RNGTT: variants seen among roughly 807,000 people sequenced by gnomAD.
RNGTT encodes the protein RNA guanylyltransferase and 5'-phosphatase.
In RNGTT, 33 loss-of-function variants were observed where a neutral mutation model predicts 79.3. That is an observed-to-expected ratio of 0.42 (90% CI 0.32 to 0.56). RNGTT has a LOEUF of 0.56. Ranked by LOEUF, RNGTT falls within the 20% of genes least tolerant of loss-of-function variation. RNGTT has a pLI of 0.17. For missense variants in RNGTT, 497 were observed against 739.1 expected (o/e 0.67, Z 3.80); for synonymous variants, 222 against 235.9 (o/e 0.94, Z 0.54).
At chr6:88,759,866 C>A (rs1299878386) in intron 13 of RNGTT, among the ~76,000 whole-genome samples, 2 of 150,926 alleles carry the variant, frequency 1.3e-5, no homozygotes, top group African/African-American at 2.4e-5. Context: ...TTTTCCCCCC[C>A]ACCAACTTCA....
intron 12 of RNGTT, among the ~76,000 whole-genome samples, chr6:88,776,938 A>G (rs1402822800): frequency 6.6e-6 from 1 of 152,202 alleles, no homozygotes; most frequent in East Asian, 1.9e-4. Context: ...GACCAACATC[A>G]AGGAGCTTTT....
intron 11 of RNGTT, among the ~76,000 whole-genome samples, chr6:88,809,336 A>C (rs938022610): frequency 2.0e-5 from 3 of 152,170 alleles, no homozygotes; most frequent in Non-Finnish European, 2.9e-5. Flanking sequence ...AAATAGAAAA[A>C]AAAATCACTA....
chr6:88,799,397 G>A (rs888769420), intron 12 of RNGTT, among the ~76,000 whole-genome samples: 12 of 152,082 alleles, frequency 7.9e-5, no homozygotes, highest in Admixed American at 7.9e-4. Context: ...CAAAGTCATT[G>A]TAATAAAAAG....
chr6:88,680,903 C>G (rs755470867), intron 13 of RNGTT, among the ~76,000 whole-genome samples: 2 of 152,098 alleles, frequency 1.3e-5, no homozygotes, highest in Admixed American at 1.3e-4. Flanking sequence ...TTGATGGTTA[C>G]AAACACGACT....
intron 13 of RNGTT, among the ~76,000 whole-genome samples, chr6:88,768,283 T>C (rs1161985788): frequency 6.6e-6 from 1 of 151,998 alleles, no homozygotes; most frequent in African/African-American, 2.4e-5. Flanking sequence ...CTAATTTTTG[T>C]TTGTTTTAGA....
At chr6:88,774,306 A>T (rs1490298390) in intron 12 of RNGTT, among the ~76,000 whole-genome samples, 9 of 152,170 alleles carry the variant, frequency 5.9e-5, no homozygotes, top group Admixed American at 5.9e-4. Context: ...AATTTAGAAA[A>T]AAAAACACAG....
chr6:88,816,908 G>C (rs920210456), intron 11 of RNGTT, among the ~76,000 whole-genome samples: 4 of 152,000 alleles, frequency 2.6e-5, no homozygotes, highest in African/African-American at 9.7e-5. Flanking sequence ...ACACAGGCTG[G>C]GGGAGAGATT....
chr6:88,872,217 T>C (rs186448242), intron 8 of RNGTT, among the ~76,000 whole-genome samples: 30 of 152,278 alleles, frequency 2.0e-4, no homozygotes, highest in East Asian at 1.7e-3. Flanking sequence ...CCCCTAACTA[T>C]TGAACCTAAG....
chr6:88,902,597 G>A (rs532089712), intron 6 of RNGTT, among the ~76,000 whole-genome samples: 1 of 151,090 alleles, frequency 6.6e-6, no homozygotes, highest in African/African-American at 2.4e-5. Context: ...GTAAGACCCT[G>A]TCTCAAAAAT....
intron 8 of RNGTT, among the ~76,000 whole-genome samples, chr6:88,860,626 T>C (rs1781982615): frequency 6.6e-6 from 1 of 152,112 alleles, no homozygotes; most frequent in Admixed American, 6.6e-5. Context: ...TTTCCAAAAG[T>C]GGTTCTCCTT....
rs78872123 is a variant in RNGTT, at chr6:88,885,295, C to T, written c.896+5200G>A. Reference sequence around the variant, plus strand: ...GTAGGAAAAGTACAAGGTAAGTCCACAACATCTAGGGGTGCCAGAAACAAG... The same window carrying T: ...GTAGGAAAAGTACAAGGTAAGTCCATAACATCTAGGGGTGCCAGAAACAAG... On this transcript the variant is annotated intron_variant, in intron 8 of 15. Coordinates refer to ENST00000369485, the MANE Select transcript of RNGTT (RefSeq NM_003800.5). 7.6e-3 allele frequency among the ~76,000 whole-genome samples: 1,163 copies of T among 152,172 alleles called. 7 individuals carry two copies. Among genetic ancestry groups the T allele is most frequent in the Admixed American group, 0.014 (212 of 15,286 alleles).
chr6:88,891,756 G>T, intron 7 of RNGTT, 50 bp downstream of exon 7: 1 of 1,178,880 alleles, frequency 8.5e-7, no homozygotes, highest in Non-Finnish European at 1.2e-6. Context: ...TGTATTAAGT[G>T]TTGTAAAATA....
At chr6:88,878,019 T>A (rs1056514896) in intron 8 of RNGTT, among the ~76,000 whole-genome samples, 1 of 152,184 alleles carries the variant, frequency 6.6e-6, no homozygotes, top group Non-Finnish European at 1.5e-5. Context: ...AAAATTAGTA[T>A]AGTTAGTATA....
chr6:88,678,189 C>T, intron 14 of RNGTT, 164 bp downstream of exon 14: 1 of 1,259,838 alleles, frequency 7.9e-7, no homozygotes, highest in Non-Finnish European at 1.0e-6. Context: ...AGACAGGGTT[C>T]CCAGCATGGT....
intron 12 of RNGTT, among the ~76,000 whole-genome samples, chr6:88,771,303 ATGTG>A (rs373169358): frequency 2.7e-4 from 22 of 82,496 alleles, no homozygotes; most frequent in African/African-American, 7.2e-4. Context: ...GTATGTATGT[ATGTG>A]TGTGTGTGTA....
intron 12 of RNGTT, among the ~76,000 whole-genome samples, chr6:88,775,085 T>C (rs760191628): frequency 9.8e-5 from 15 of 152,332 alleles, no homozygotes; most frequent in Middle Eastern, 3.4e-3. Context: ...GGAATGCATT[T>C]ACTCAACAGA....
At chr6:88,856,430 A>G (rs972688595) in intron 8 of RNGTT, among the ~76,000 whole-genome samples, 1 of 152,146 alleles carries the variant, frequency 6.6e-6, no homozygotes, top group East Asian at 1.9e-4. Flanking sequence ...ACACACACAC[A>G]CACACACATC....
intron 14 of RNGTT, among the ~76,000 whole-genome samples, chr6:88,625,306 C>T (rs1357309598): frequency 6.6e-6 from 1 of 151,860 alleles, no homozygotes; most frequent in Non-Finnish European, 1.5e-5. Context: ...TTATTTGTGA[C>T]CATCCAAAAC....
At chr6:88,660,490 A>C (rs540634151) in intron 14 of RNGTT, among the ~76,000 whole-genome samples, 4 of 151,662 alleles carry the variant, frequency 2.6e-5, no homozygotes, top group Non-Finnish European at 1.5e-5. Flanking sequence ...ATGAACACCA[A>C]AAGTGAGCAG....
Sources: gnomAD v4.1 joint callset for allele counts (sites outside exome capture counted in the v4.1 genomes callset) on GRCh38, gnomAD v4.1.1 for gene constraint, MANE v1.5 for transcripts, NCBI Gene and HGNC (gene_info 2026-07-23, HGNC 2026-07-21) for gene names.